The following IL1RAPL2 variants were observed in gnomAD, a reference collection of about 807,000 sequenced individuals.
IL1RAPL2 encodes interleukin 1 receptor accessory protein like 2.
Under a neutral mutation model 44.1 loss-of-function variants are expected in IL1RAPL2, and 3 were observed. The observed-to-expected ratio is 0.07, with a 90% CI of 0.03 to 0.18. The LOEUF (loss-of-function observed/expected upper bound fraction) is 0.18, where lower values mean the gene tolerates loss of function less well. IL1RAPL2 is among the 10% of genes least tolerant of loss of function. IL1RAPL2 has a pLI of 1.00. For missense variants in IL1RAPL2, 391 were observed against 496.4 expected (o/e 0.79, Z 2.02); for synonymous variants, 181 against 178.8 (o/e 1.01, Z -0.10).
chrX:105,310,573 AT>A (rs2034789740), intron 5 of IL1RAPL2, among the ~76,000 whole-genome samples: 1 of 111,385 alleles, frequency 9.0e-6, no homozygotes, highest in African/African-American at 3.3e-5. Context: ...TATTTTAAAC[AT>A]TTTTTAGCAT....
intron 2 of IL1RAPL2, among the ~76,000 whole-genome samples, chrX:104,673,211 T>C (rs1169788847): frequency 1.1e-4 from 12 of 111,859 alleles, no homozygotes; most frequent in African/African-American, 3.9e-4. Flanking sequence ...GGTTTTCTTC[T>C]AGGGTTTTTA....
intron 2 of IL1RAPL2, among the ~76,000 whole-genome samples, chrX:104,848,370 A>G (rs984409434): frequency 1.2e-3 from 119 of 102,205 alleles, no homozygotes; most frequent in Non-Finnish European, 2.1e-3. Context: ...AATTTAGCAT[A>G]TAAGTTTTTT....
intron 2 of IL1RAPL2, among the ~76,000 whole-genome samples, chrX:104,808,283 T>A (rs946762832): frequency 8.9e-6 from 1 of 111,888 alleles, no homozygotes; most frequent in African/African-American, 3.2e-5. Flanking sequence ...ATATTTTATA[T>A]CACCATTTTT....
At chrX:105,122,043 C>T (rs2032930550) in intron 2 of IL1RAPL2, among the ~76,000 whole-genome samples, 1 of 110,535 alleles carries the variant, frequency 9.0e-6, no homozygotes, top group Non-Finnish European at 1.9e-5. Flanking sequence ...TAAAGGAAAC[C>T]CCACGGAATA....
intron 3 of IL1RAPL2, among the ~76,000 whole-genome samples, chrX:105,204,737 T>G (rs1248167455): frequency 9.0e-6 from 1 of 111,654 alleles, no homozygotes; most frequent in Non-Finnish European, 1.9e-5. Context: ...AATCTCAGTT[T>G]TATTACTTAC....
chrX:104,655,206 C>T (rs1209388991), intron 1 of IL1RAPL2, among the ~76,000 whole-genome samples: 1 of 111,604 alleles, frequency 9.0e-6, no homozygotes, highest in Non-Finnish European at 1.9e-5. Flanking sequence ...ATTTCCAACG[C>T]TATGTCGAAT....
At chrX:104,567,596 G>A (rs964315535) in intron 1 of IL1RAPL2, among the ~76,000 whole-genome samples, 2 of 112,313 alleles carry the variant, frequency 1.8e-5, no homozygotes, top group African/African-American at 3.2e-5. Context: ...GAGCCTGAAG[G>A]TACTTCCCCT....
chrX:104,994,295 G>A (rs893388558), intron 2 of IL1RAPL2, among the ~76,000 whole-genome samples: 1 of 111,426 alleles, frequency 9.0e-6, no homozygotes, highest in Non-Finnish European at 1.9e-5. Flanking sequence ...CATACTGTAC[G>A]AATCTATTTA....
intron 2 of IL1RAPL2, among the ~76,000 whole-genome samples, chrX:104,911,381 G>A (rs758159885): frequency 8.9e-6 from 1 of 111,871 alleles, no homozygotes; most frequent in Non-Finnish European, 1.9e-5. Context: ...AGGTGAAAAT[G>A]TCTGAAACAA....
chrX:104,842,531 C>T (rs1472289229), intron 2 of IL1RAPL2, among the ~76,000 whole-genome samples: 1 of 112,016 alleles, frequency 8.9e-6, no homozygotes, highest in Admixed American at 9.5e-5. Context: ...GTGGATTTAT[C>T]TACATTTGAT....
chrX:104,912,699 T>A (rs866275259), intron 2 of IL1RAPL2, among the ~76,000 whole-genome samples: 1 of 111,732 alleles, frequency 8.9e-6, no homozygotes, highest in African/African-American at 3.3e-5. Context: ...CATTAACTTA[T>A]CCTAAATAAG....
At position 105,625,225 on chromosome X, in the gene IL1RAPL2, A is replaced by G. The variant is rs1456736799; in HGVS notation, c.773-92142A>G. Reference sequence around the variant, plus strand: ...CCTAATCCTGAAACATATACAACACATGCAGACATTCATTCATACAGGTAG... The same window carrying G: ...CCTAATCCTGAAACATATACAACACGTGCAGACATTCATTCATACAGGTAG... On this transcript the variant is annotated intron_variant, in intron 6 of 10. Coordinates refer to ENST00000372582, the MANE Select transcript of IL1RAPL2 (RefSeq NM_017416.2). Among the ~76,000 whole-genome samples, 7 of 112,183 alleles carry G rather than the reference A, an allele frequency of 6.2e-5. 1 individual carries two copies. The highest frequency in any genetic ancestry group is 2.3e-4 in the African/African-American group (7 of 30,923).
chrX:104,873,771 T>C (rs1018380339), intron 2 of IL1RAPL2, among the ~76,000 whole-genome samples: 1 of 111,915 alleles, frequency 8.9e-6, no homozygotes, highest in African/African-American at 3.2e-5. Context: ...ACAGTGAATA[T>C]TTTGAACAAA....
chrX:104,636,552 C>T (rs1260556067), intron 1 of IL1RAPL2, among the ~76,000 whole-genome samples: 2 of 112,055 alleles, frequency 1.8e-5, no homozygotes, highest in Admixed American at 1.9e-4. Flanking sequence ...GCGGGCACCC[C>T]TCCCCCAGCC....
intron 2 of IL1RAPL2, among the ~76,000 whole-genome samples, chrX:104,884,774 G>T (rs1254202981): frequency 1.8e-5 from 2 of 111,537 alleles, no homozygotes; most frequent in Non-Finnish European, 3.8e-5. Context: ...TGCAAAGCTT[G>T]CAATTTACAT....
chrX:104,920,449 G>T (rs1307172913), intron 2 of IL1RAPL2, among the ~76,000 whole-genome samples: 1 of 108,628 alleles, frequency 9.2e-6, no homozygotes, highest in Non-Finnish European at 1.9e-5. Flanking sequence ...GGCAGATCCT[G>T]TATCACTTGG....
intron 10 of IL1RAPL2, among the ~76,000 whole-genome samples, chrX:105,763,995 T>C (rs1007742329): frequency 8.9e-6 from 1 of 111,790 alleles, no homozygotes; most frequent in Non-Finnish European, 1.9e-5. Context: ...ATGATTAATG[T>C]ATACATAGGG....
chrX:104,808,963 A>C (rs1932945924), intron 2 of IL1RAPL2, among the ~76,000 whole-genome samples: 1 of 111,834 alleles, frequency 8.9e-6, no homozygotes, highest in African/African-American at 3.2e-5. Context: ...AGGGATCTTA[A>C]AAGTCGTGTA....
chrX:105,447,106 T>A (rs1173285327), intron 5 of IL1RAPL2, among the ~76,000 whole-genome samples: 5 of 33,207 alleles, frequency 1.5e-4, no homozygotes, highest in East Asian at 7.4e-4. Context: ...TATATATATA[T>A]AAAAATATAT....
Sources: allele counts gnomAD v4.1 joint callset (sites outside exome capture counted in the v4.1 genomes callset), GRCh38; gene constraint gnomAD v4.1.1; transcripts MANE v1.5; gene names NCBI Gene and HGNC (gene_info 2026-07-23, HGNC 2026-07-21).